DHX9: variants seen among roughly 807,000 people sequenced by gnomAD.
DHX9 encodes the protein ATP-dependent RNA helicase A.
In DHX9, 27 loss-of-function variants were observed where a neutral mutation model predicts 148.7. That is an observed-to-expected ratio of 0.18 (90% CI 0.13 to 0.25). The LOEUF is 0.25. Ranked by LOEUF, DHX9 falls within the 10% of genes least tolerant of loss-of-function variation. The pLI is 1.00. For synonymous variants in DHX9, 529 were observed against 516.6 expected, an observed-to-expected ratio of 1.02 and a Z score of -0.33; for missense variants, 796 against 1,559.6, an observed-to-expected ratio of 0.51 and a Z score of 8.25.
At chr1:182,866,623 AT>A in intron 13 of DHX9, 38 bp downstream of exon 13, 1 of 1,586,544 alleles carries the variant, frequency 6.3e-7, no homozygotes, top group Non-Finnish European at 8.6e-7. Flanking sequence ...TGGGGTTTAT[AT>A]TGTGGTTGTG....
chr1:182,847,398 G>A (rs1436319978), intron 3 of DHX9, among the ~76,000 whole-genome samples: 1 of 152,060 alleles, frequency 6.6e-6, no homozygotes, highest in African/African-American at 2.4e-5. Context: ...TTTTAATCAG[G>A]CATTTAATTT....
intron 3 of DHX9, among the ~76,000 whole-genome samples, chr1:182,846,236 A>G (rs893282853): frequency 6.8e-6 from 1 of 146,864 alleles, no homozygotes; most frequent in East Asian, 2.0e-4. Flanking sequence ...GACCAGATGT[A>G]CTTTTTTTTT....
At chr1:182,857,736 C>G (rs1668281725) in intron 7 of DHX9, among the ~76,000 whole-genome samples, 1 of 152,206 alleles carries the variant, frequency 6.6e-6, no homozygotes, top group Admixed American at 6.5e-5. Flanking sequence ...GGTAACCACT[C>G]TGGACCCAAT....
At chr1:182,862,406 A>G (rs575704050) in intron 12 of DHX9, among the ~76,000 whole-genome samples, 2 of 152,304 alleles carry the variant, frequency 1.3e-5, no homozygotes, top group East Asian at 3.9e-4. Flanking sequence ...TATGCAGAAA[A>G]TTTTAAGTAG....
At chr1:182,869,578 T>C (rs756107901) in intron 14 of DHX9, among the ~76,000 whole-genome samples, 2 of 152,108 alleles carry the variant, frequency 1.3e-5, no homozygotes, top group Non-Finnish European at 2.9e-5. Flanking sequence ...TGACCAGTGT[T>C]GTCTAGTTTG....
chr1:182,865,226 A>G lies in DHX9; in HGVS notation c.1333-1218A>G, dbSNP rs111341938. ...ATAACATTTTCACATTCCTTAACTC[A>G]AGTATGTAGAATTCTCTTGATGGAC... On this transcript the variant is annotated intron_variant, in intron 12 of 27. Coordinates refer to ENST00000367549, the MANE Select transcript of DHX9 (RefSeq NM_001357.5). Among the ~76,000 whole-genome samples the G allele has an allele frequency of 4.2e-3, 639 of 152,302 alleles. 4 individuals carry two copies. Among genetic ancestry groups the G allele is most frequent in the Non-Finnish European group, 5.9e-3 (399 of 68,018 alleles).
intron 21 of DHX9, among the ~76,000 whole-genome samples, chr1:182,879,871 A>G (rs1421091194): frequency 1.3e-5 from 2 of 151,974 alleles, no homozygotes; most frequent in African/African-American, 4.8e-5. Context: ...GACTACAGGC[A>G]TACACCACCA....
In DHX9 at chr1:182,852,261, C is replaced by G. The variant is rs760788015; in HGVS notation, c.281C>G (p.Thr94Ser). The change falls in exon 4 of 28, where the codon ACT becomes AGT. Residue 94 changes from threonine (T) to serine (S), a missense_variant. This residue lies in a region of DHX9 where 89 missense variants were observed against 77.5 expected (regional missense o/e 1.15). Coordinates refer to ENST00000367549, the MANE Select transcript of DHX9 (RefSeq NM_001357.5). ...GVASPPPLTD[T>S]PDTTANAEGD... ...GCATCTCCGCCCCCACTTACTGATA[C>G]TCCTGACACTACAGCAAATGCTGAA... is the stretch of plus-strand genomic sequence containing the variant. 1.2e-6 allele frequency: 2 copies of G among 1,612,454 alleles called. No individual in the cohort carries two copies. The highest frequency in any genetic ancestry group is 3.4e-5 in the Admixed American group (2 of 59,598).
intron 15 of DHX9, 120 bp from the exon 16 acceptor site, chr1:182,874,734 G>C: frequency 2.7e-6 from 2 of 753,544 alleles, no homozygotes; most frequent in South Asian, 1.7e-5. Context: ...TTTGGCATTT[G>C]TGAAGAATCA....
chr1:182,864,908 T>C (rs945329589), intron 12 of DHX9, among the ~76,000 whole-genome samples: 1 of 152,140 alleles, frequency 6.6e-6, no homozygotes, highest in Admixed American at 6.6e-5. Context: ...CCTGCGCATA[T>C]TCAGTTTAGG....
At chr1:182,848,096 A>G (rs1233229048) in intron 3 of DHX9, among the ~76,000 whole-genome samples, 1 of 152,110 alleles carries the variant, frequency 6.6e-6, no homozygotes, top group African/African-American at 2.4e-5. Context: ...ATAAGCCCTC[A>G]TCTTTCTGCC....
chr1:182,844,632 C>G (rs898067576), intron 3 of DHX9, among the ~76,000 whole-genome samples: 28 of 152,226 alleles, frequency 1.8e-4, no homozygotes, highest in African/African-American at 6.0e-4. Context: ...CTCCTGGGTT[C>G]AAGCAGTTCT....
chr1:182,873,849 A>G (rs1010881300), intron 15 of DHX9, among the ~76,000 whole-genome samples: 15 of 152,340 alleles, frequency 9.8e-5, no homozygotes, highest in Admixed American at 3.3e-4. Flanking sequence ...GGATGAAACA[A>G]TATACAAAAA....
chr1:182,884,414 A>C (rs893975879), intron 26 of DHX9, among the ~76,000 whole-genome samples, 199 bp from the exon 27 acceptor site: 4 of 152,240 alleles, frequency 2.6e-5, no homozygotes, highest in Admixed American at 1.3e-4. Context: ...GTGAATTTTA[A>C]GAAGCTAGTG....
At chr1:182,846,775 T>C (rs1033192408) in intron 3 of DHX9, among the ~76,000 whole-genome samples, 16 of 152,206 alleles carry the variant, frequency 1.1e-4, no homozygotes, top group African/African-American at 3.9e-4. Flanking sequence ...GATTTATGTA[T>C]TTCACCAACT....
intron 26 of DHX9, 27 bp from the exon 27 acceptor site, chr1:182,884,584 CTT>C (rs758483050): frequency 3.7e-5 from 60 of 1,602,034 alleles, no homozygotes; most frequent in Middle Eastern, 3.4e-4. Context: ...TACTCCCTCT[CTT>C]ATTTTTAATG....
rs1648979848 is a variant in DHX9, at chr1:182,879,415, TTACAAA to T, written c.2512+12_2512+17del. On this transcript the variant is annotated splice_donor_region_variant and intron_variant, in intron 21 of 27. Transcript: ENST00000367549. Reference sequence around the variant, plus strand: ...AAGCAGAACACACTCTTAGAGGTACTTACAAATACAAACCTACTTGACGCAGATATT... The same window carrying T: ...AAGCAGAACACACTCTTAGAGGTACTTACAAACCTACTTGACGCAGATATT... 1.4e-6 allele frequency: 2 copies of T among 1,453,908 alleles called. No individual in the cohort carries two copies. Among genetic ancestry groups the T allele is most frequent in the East Asian group, 2.4e-5 (1 of 41,980 alleles). 90.1% of individuals were successfully genotyped at this position (1,453,908 alleles called of 1,614,324 possible). A position where few individuals can be genotyped will look rare whatever the true frequency, so the allele number is the denominator to read the frequency against.
chr1:182,841,639 T>A (rs763950655), intron 1 of DHX9, among the ~76,000 whole-genome samples: 1 of 152,228 alleles, frequency 6.6e-6, no homozygotes, highest in Non-Finnish European at 1.5e-5. Flanking sequence ...ACAAAATGCA[T>A]CAAACGTGAA....
chr1:182,851,055 A>G (rs1668134623), intron 3 of DHX9, among the ~76,000 whole-genome samples: 1 of 152,198 alleles, frequency 6.6e-6, no homozygotes, highest in South Asian at 2.1e-4. Flanking sequence ...TTGTGGTGCC[A>G]GGACTGCCCA....
Sources: allele counts gnomAD v4.1 joint callset (sites outside exome capture counted in the v4.1 genomes callset), GRCh38; gene constraint gnomAD v4.1.1; regional missense constraint gnomAD v4.1.1; transcripts MANE v1.5; gene names NCBI Gene and HGNC (gene_info 2026-07-23, HGNC 2026-07-21).